The following FTCDNL1 variants were observed in gnomAD, a reference collection of about 807,000 sequenced individuals.
The protein encoded by FTCDNL1 is formiminotransferase N-terminal subdomain-containing protein.
Under a neutral mutation model 5.9 loss-of-function variants are expected in FTCDNL1, and 11 were observed. The ratio of observed to expected loss-of-function variants is 1.87; its 90% CI spans 1.18 to 3.10. The LOEUF (loss-of-function observed/expected upper bound fraction) is 3.10. FTCDNL1 is among the 30% of genes most tolerant of loss of function. The pLI is 0.00. For missense variants in FTCDNL1, 115 were observed against 65.5 expected (o/e 1.76, Z -2.61); for synonymous variants, 58 against 24.8 (o/e 2.34, Z -3.99).
intron 4 of FTCDNL1, among the ~76,000 whole-genome samples, chr2:199,815,871 G>A (rs941113904): frequency 4.6e-5 from 7 of 151,910 alleles, no homozygotes; most frequent in African/African-American, 9.7e-5. Context: ...ATGGTGGCAC[G>A]TGCCTGTAGT....
At chr2:199,737,804 C>T in the FTCDNL1 span, among the ~76,000 whole-genome samples, 22 of 152,230 alleles carry the variant, frequency 1.4e-4, no homozygotes, top group African/African-American at 5.1e-4. Context: ...TGCAGTGGTC[C>T]CTGCGTGTCA....
At chr2:199,732,184 T>C in the FTCDNL1 span, among the ~76,000 whole-genome samples, 2 of 152,208 alleles carry the variant, frequency 1.3e-5, no homozygotes, top group East Asian at 3.9e-4. Context: ...TAGACCTTCT[T>C]TTCTACTTCT....
the FTCDNL1 span, among the ~76,000 whole-genome samples, chr2:199,693,173 A>G: frequency 6.6e-6 from 1 of 152,236 alleles, no homozygotes; most frequent in East Asian, 1.9e-4. Flanking sequence ...CTTCAAGTAC[A>G]AGAATGTAAA....
the FTCDNL1 span, among the ~76,000 whole-genome samples, chr2:199,751,238 G>A: frequency 8.5e-5 from 13 of 152,234 alleles, no homozygotes; most frequent in African/African-American, 3.1e-4. Context: ...TCAGCTTTCT[G>A]AAGAGCTCAA....
chr2:199,793,397 G>T (rs1018973864), intron 3 of FTCDNL1, among the ~76,000 whole-genome samples: 2 of 151,990 alleles, frequency 1.3e-5, no homozygotes, highest in African/African-American at 4.8e-5. Context: ...GCAAGTGAAA[G>T]AAACATAAAA....
At chr2:199,785,519 A>C (rs1699598793) in intron 3 of FTCDNL1, 1 of 152,126 alleles carries the variant, frequency 6.6e-6, no homozygotes, top group Admixed American at 6.6e-5. Flanking sequence ...TACAAGCGTG[A>C]GCCACCGCGC....
the FTCDNL1 span, among the ~76,000 whole-genome samples, chr2:199,719,788 C>T: frequency 6.6e-6 from 1 of 151,968 alleles, no homozygotes; most frequent in Non-Finnish European, 1.5e-5. Flanking sequence ...CTATGCACCA[C>T]CACACCTGGC....
intron 3 of FTCDNL1, among the ~76,000 whole-genome samples, chr2:199,764,241 A>T (rs1698403973): frequency 6.6e-6 from 1 of 152,250 alleles, no homozygotes; most frequent in South Asian, 2.1e-4. Flanking sequence ...TTACTAAAAC[A>T]CTACCAAATT....
At chr2:199,822,286 C>T (rs1701742645) in intron 3 of FTCDNL1, among the ~76,000 whole-genome samples, 2 of 152,060 alleles carry the variant, frequency 1.3e-5, no homozygotes, top group African/African-American at 4.8e-5. Context: ...TGCCTGTAGT[C>T]CCAGCTACTG....
At chr2:199,688,089 A>T in the FTCDNL1 span, among the ~76,000 whole-genome samples, 1 of 152,046 alleles carries the variant, frequency 6.6e-6, no homozygotes, top group Non-Finnish European at 1.5e-5. Context: ...TCTACTAAAA[A>T]ATACAAAAAT....
chr2:199,778,309 A>G (rs978453603), intron 3 of FTCDNL1, among the ~76,000 whole-genome samples: 10 of 152,208 alleles, frequency 6.6e-5, no homozygotes, highest in Non-Finnish European at 1.3e-4. Context: ...AATCCAGTAC[A>G]TTTCTAGGTA....
the FTCDNL1 span, among the ~76,000 whole-genome samples, chr2:199,701,200 C>A: frequency 1.1e-4 from 16 of 151,046 alleles, no homozygotes; most frequent in African/African-American, 3.9e-4. Context: ...AGCATTCCAT[C>A]TAAAAATGCT....
chr2:199,799,708 A>G (rs993996204), intron 3 of FTCDNL1, among the ~76,000 whole-genome samples: 9 of 152,168 alleles, frequency 5.9e-5, no homozygotes, highest in African/African-American at 2.2e-4. Flanking sequence ...TGGTACCTGA[A>G]ATTGGTACCA....
chr2:199,728,514 C>T, the FTCDNL1 span, among the ~76,000 whole-genome samples: 4 of 152,150 alleles, frequency 2.6e-5, no homozygotes, highest in Non-Finnish European at 4.4e-5. Context: ...TCCCAAAGTG[C>T]TGGGATTACA....
chr2:199,722,009 G>A, the FTCDNL1 span, among the ~76,000 whole-genome samples: 1 of 152,092 alleles, frequency 6.6e-6, no homozygotes, highest in Non-Finnish European at 1.5e-5. Flanking sequence ...TAAGTTCCTT[G>A]TAGATTCTGG....
At chr2:199,679,887 A>G in the FTCDNL1 span, among the ~76,000 whole-genome samples, 1 of 152,188 alleles carries the variant, frequency 6.6e-6, no homozygotes, top group Non-Finnish European at 1.5e-5. Context: ...GAGTAATTTG[A>G]CATTAACTTT....
chr2:199,818,026 C>T (rs1028794377), intron 4 of FTCDNL1, among the ~76,000 whole-genome samples: 3 of 152,144 alleles, frequency 2.0e-5, no homozygotes, highest in Admixed American at 1.3e-4. Context: ...CAAATATAGA[C>T]CCATTTATTC....
chr2:199,715,529 T>G, the FTCDNL1 span, among the ~76,000 whole-genome samples: 1 of 152,336 alleles, frequency 6.6e-6, no homozygotes, highest in South Asian at 2.1e-4. Context: ...TTGTGAGGCC[T>G]TCCCAGCCAT....
chr2:199,755,863 C>T (rs972504242), downstream of FTCDNL1, among the ~76,000 whole-genome samples: 3 of 152,114 alleles, frequency 2.0e-5, no homozygotes, highest in African/African-American at 7.2e-5. Flanking sequence ...CAGCACTTTG[C>T]TAACGGTAAG....
Sources: allele counts gnomAD v4.1 joint callset (sites outside exome capture counted in the v4.1 genomes callset), GRCh38; gene constraint gnomAD v4.1.1; transcripts MANE v1.5; gene names NCBI Gene and HGNC (gene_info 2026-07-23, HGNC 2026-07-21).